ATG10: variants seen among roughly 807,000 people sequenced by gnomAD.
The protein encoded by ATG10 is ubiquitin-like-conjugating enzyme ATG10.
Under a neutral mutation model 32.1 loss-of-function variants are expected in ATG10, and 30 were observed. That is an observed-to-expected ratio of 0.94 (90% confidence interval 0.70 to 1.27). The LOEUF is 1.27. Ranked by LOEUF, ATG10 falls within the 50% of genes most tolerant of loss-of-function variation. ATG10 has a pLI of 0.00. For synonymous variants in ATG10, 87 were observed against 91.5 expected (o/e 0.95, Z 0.28); for missense variants, 233 against 262.3 (o/e 0.89, Z 0.77).
intron 3 of ATG10, among the ~76,000 whole-genome samples, chr5:82,107,806 G>T (rs1358970287): frequency 6.6e-6 from 1 of 152,034 alleles, no homozygotes; most frequent in Non-Finnish European, 1.5e-5. Context: ...TGTTTACAAT[G>T]CAGAAGGATA....
chr5:81,980,014 C>A (rs537592942), intron 1 of ATG10, among the ~76,000 whole-genome samples: 1 of 152,062 alleles, frequency 6.6e-6, no homozygotes, highest in African/African-American at 2.4e-5. Flanking sequence ...TGGAGAGGAT[C>A]TTATGTGCTT....
rs116009757 is a variant in ATG10 at position 82,249,020 on chromosome 5, A to C, written c.454-3542A>C. The stretch of plus-strand genomic sequence containing the variant: ...TCTAAAAGCTCTTCAAAGGCATGAA[A>C]GTCTCAATTATTTTAAAAAGTGTTT... On this transcript the variant is annotated intron_variant, in intron 5 of 7. Transcript: ENST00000282185. Among the ~76,000 whole-genome samples, 1,363 of 152,178 alleles carry C rather than the reference A, an allele frequency of 9.0e-3. 17 individuals carry two copies. The highest frequency in any genetic ancestry group is 0.031 in the African/African-American group (1,288 of 41,574).
At chr5:82,147,027 T>C (rs940140077) in intron 3 of ATG10, among the ~76,000 whole-genome samples, 3 of 152,230 alleles carry the variant, frequency 2.0e-5, no homozygotes, top group Non-Finnish European at 4.4e-5. Context: ...TTCTGAAGGC[T>C]GTAGATTTCA....
chr5:82,057,125 A>G (rs1008264105), intron 2 of ATG10, among the ~76,000 whole-genome samples: 2 of 152,208 alleles, frequency 1.3e-5, no homozygotes, highest in African/African-American at 4.8e-5. Context: ...GCATCAACCA[A>G]TCAGAATGAG....
chr5:82,026,565 C>A (rs918712028), intron 2 of ATG10, among the ~76,000 whole-genome samples: 1 of 152,018 alleles, frequency 6.6e-6, no homozygotes, highest in Non-Finnish European at 1.5e-5. Flanking sequence ...CTAAGTAAAA[C>A]ATTGATTTTG....
At chr5:82,087,504 A>G (rs1182115228) in intron 3 of ATG10, among the ~76,000 whole-genome samples, 1 of 152,032 alleles carries the variant, frequency 6.6e-6, no homozygotes, top group Non-Finnish European at 1.5e-5. Flanking sequence ...TGTAGCACTC[A>G]TTTTCTACTT....
intron 1 of ATG10, among the ~76,000 whole-genome samples, chr5:81,974,182 GAATCATAAATAT>G (rs1196717246): frequency 1.3e-5 from 2 of 151,936 alleles, no homozygotes; most frequent in Non-Finnish European, 2.9e-5. Context: ...GGTTGTGTTT[GAATCATAAATAT>G]AATCAGGGAA....
intron 3 of ATG10, among the ~76,000 whole-genome samples, chr5:82,088,244 C>T (rs944707711): frequency 6.6e-6 from 1 of 151,890 alleles, no homozygotes; most frequent in Non-Finnish European, 1.5e-5. Flanking sequence ...TGCTTATAGA[C>T]AATAAGCCTT....
At chr5:81,986,017 C>T (rs930461274) in intron 1 of ATG10, among the ~76,000 whole-genome samples, 2 of 152,148 alleles carry the variant, frequency 1.3e-5, no homozygotes, top group African/African-American at 4.8e-5. Context: ...CCTGCCTCGG[C>T]CTCCCCAAAG....
At chr5:82,205,792 G>T (rs919482662) in intron 5 of ATG10, among the ~76,000 whole-genome samples, 1 of 152,132 alleles carries the variant, frequency 6.6e-6, no homozygotes, top group African/African-American at 2.4e-5. Context: ...CAGATTATTT[G>T]ATTTCTTAAG....
chr5:82,146,752 A>G (rs1300168408), intron 3 of ATG10, among the ~76,000 whole-genome samples: 1 of 152,008 alleles, frequency 6.6e-6, no homozygotes, highest in Non-Finnish European at 1.5e-5. Context: ...TTTCAGGTAT[A>G]AAATTTCCAT....
chr5:82,156,300 A>G (rs1767795956), intron 3 of ATG10, among the ~76,000 whole-genome samples: 1 of 152,196 alleles, frequency 6.6e-6, no homozygotes, highest in Non-Finnish European at 1.5e-5. Context: ...TAGACCCTCC[A>G]TGTGTATGTG....
In ATG10 at chr5:82,178,384, A is replaced by G. The variant is rs937749769; in HGVS notation, c.356-106A>G. The G allele has an allele frequency of 2.9e-5, 20 of 698,396 alleles. No homozygotes were observed. The African/African-American group carries it at 3.5e-4, about 12-fold the overall frequency. 43.3% of individuals were successfully genotyped at this position (698,396 alleles called of 1,614,324 possible). ...GATATATAAATAGCATGTGCACTGA[A>G]GATCTTTCTAAAAGTCATGATATTC... On this transcript the variant is annotated intron_variant, in intron 4 of 7. Transcript: ENST00000282185.
chr5:82,191,111 G>A (rs1432891806), intron 5 of ATG10, among the ~76,000 whole-genome samples: 1 of 152,204 alleles, frequency 6.6e-6, no homozygotes, highest in East Asian at 1.9e-4. Flanking sequence ...CACTGATACT[G>A]ATCATAATCA....
At chr5:82,051,445 G>GA (rs1178684891) in intron 2 of ATG10, among the ~76,000 whole-genome samples, 1 of 152,130 alleles carries the variant, frequency 6.6e-6, no homozygotes, top group African/African-American at 2.4e-5. Flanking sequence ...AGGACCAAGG[G>GA]AAAATTAAAG....
chr5:82,004,504 T>G (rs1177693051), intron 2 of ATG10, among the ~76,000 whole-genome samples: 1 of 152,226 alleles, frequency 6.6e-6, no homozygotes, highest in Non-Finnish European at 1.5e-5. Flanking sequence ...AAAGGACACC[T>G]GACCCTATTT....
At chr5:82,040,565 A>G (rs778518904) in intron 2 of ATG10, among the ~76,000 whole-genome samples, 14 of 152,208 alleles carry the variant, frequency 9.2e-5, no homozygotes, top group Non-Finnish European at 1.8e-4. Context: ...TTTGTGAAAA[A>G]CTTATTTTAA....
At chr5:82,173,002 A>G (rs1483790745) in intron 4 of ATG10, among the ~76,000 whole-genome samples, 1 of 152,208 alleles carries the variant, frequency 6.6e-6, no homozygotes, top group Non-Finnish European at 1.5e-5. Flanking sequence ...GAATTTTTAT[A>G]TCTTTCAAAG....
At chr5:82,104,099 T>C (rs1765372657) in intron 3 of ATG10, among the ~76,000 whole-genome samples, 1 of 152,136 alleles carries the variant, frequency 6.6e-6, no homozygotes, top group African/African-American at 2.4e-5. Flanking sequence ...AAATGATAGA[T>C]GTTTATGTTC....
Sources: allele counts gnomAD v4.1 joint callset (sites outside exome capture counted in the v4.1 genomes callset), GRCh38; gene constraint gnomAD v4.1.1; transcripts MANE v1.5; gene names NCBI Gene and HGNC (gene_info 2026-07-23, HGNC 2026-07-21).